The following CMKLR2 variants were observed in gnomAD, a reference collection of about 807,000 sequenced individuals.
CMKLR2 encodes the protein chemerin-like receptor 2.
A neutral mutation model predicts 23.0 loss-of-function variants in CMKLR2; 18 were observed. The observed-to-expected ratio is 0.78, with a 90% CI of 0.54 to 1.16. The LOEUF is 1.16. CMKLR2 is among the 50% of genes most tolerant of loss of function. The pLI, the probability that CMKLR2 is intolerant of heterozygous loss-of-function variation, is 0.00. For missense variants in CMKLR2, 401 were observed against 412.7 expected, an observed-to-expected ratio of 0.97 and a Z score of 0.25; for synonymous variants, 158 against 158.9, an observed-to-expected ratio of 0.99 and a Z score of 0.05.
chr2:206,202,857 C>T (rs1689151060), intron 1 of CMKLR2, among the ~76,000 whole-genome samples: 1 of 152,026 alleles, frequency 6.6e-6, no homozygotes, highest in South Asian at 2.1e-4. Flanking sequence ...AGCCTGTCAC[C>T]CCTCCATCCA....
At chr2:206,210,287 T>C (rs1251310561) in intron 1 of CMKLR2, among the ~76,000 whole-genome samples, 2 of 152,134 alleles carry the variant, frequency 1.3e-5, no homozygotes, top group Non-Finnish European at 1.5e-5. Flanking sequence ...CTGAGGATAA[T>C]GGCTTCCAGC....
intron 1 of CMKLR2, among the ~76,000 whole-genome samples, chr2:206,192,819 G>A (rs1688796598): frequency 6.6e-6 from 1 of 152,000 alleles, no homozygotes; most frequent in Non-Finnish European, 1.5e-5. Flanking sequence ...ATTGGTTTCA[G>A]GACCTCCCAC....
chr2:206,176,722 G>A lies in CMKLR2; in HGVS notation c.526C>T (p.Arg176Trp), dbSNP rs202007589. 82 of 1,614,150 alleles carry A rather than the reference G, an allele frequency of 5.1e-5. No homozygotes were observed. The highest frequency in any genetic ancestry group is 3.2e-4 in the Admixed American group (19 of 60,018). The change falls in exon 2 of 2, where the codon CGG becomes TGG. Residue 176 changes from arginine to tryptophan, a missense_variant. Arg to Trp is a moderately radical substitution (Grantham distance 101). Coordinates refer to ENST00000621141, the MANE Select transcript of CMKLR2 (RefSeq NM_001389445.1). ...SLIGGPALYF[R>W]DTVEFNNHTL... is the part of the protein sequence containing the mutation. ...TGATTATTGAACTCCACAGTGTCCC[G>A]GAAGTACAGGGCAGGACCGCCAATT...
intron 1 of CMKLR2, among the ~76,000 whole-genome samples, chr2:206,206,913 G>GC (rs1326364842): frequency 2.1e-4 from 18 of 86,466 alleles, no homozygotes; most frequent in African/African-American, 6.6e-4. Flanking sequence ...CAGTCCCCCT[G>GC]CCCCTTTTTT....
In CMKLR2 at chr2:206,176,547, T is replaced by G; in HGVS notation, c.701A>C (p.Lys234Thr). ...ICYLCLIFKV[K>T]KRSILISSRH... ...ACTGGAGATCAGGATGCTTCGCTTC[T>G]TCACCTTGAAGATGAGACACAAGTA... The change falls in exon 2 of 2, where the codon AAG (lysine) becomes ACG (threonine). Residue 234 changes from lysine to threonine, a missense_variant. Coordinates refer to ENST00000621141, the MANE Select transcript of CMKLR2 (RefSeq NM_001389445.1). 6.2e-7 allele frequency: 1 copy of G among 1,614,142 alleles called. No individual in the cohort carries two copies. The highest frequency in any genetic ancestry group is 8.5e-7 in the Non-Finnish European group (1 of 1,180,032).
chr2:206,187,326 G>A (rs370767038), intron 1 of CMKLR2, among the ~76,000 whole-genome samples: 1 of 152,164 alleles, frequency 6.6e-6, no homozygotes, highest in East Asian at 1.9e-4. Flanking sequence ...AAGTGGGTCA[G>A]GTGTCTGCTA....
intron 1 of CMKLR2, among the ~76,000 whole-genome samples, chr2:206,208,566 G>GT (rs2105840266): frequency 6.6e-6 from 1 of 151,900 alleles, no homozygotes; most frequent in African/African-American, 2.4e-5. Context: ...GCTTACTATG[G>GT]TTTTAATGTG....
chr2:206,185,747 A>T (rs2105808049), intron 1 of CMKLR2, among the ~76,000 whole-genome samples: 1 of 152,330 alleles, frequency 6.6e-6, no homozygotes, highest in Non-Finnish European at 1.5e-5. Context: ...AGGTGGTAGC[A>T]GTGAAGGTGA....
At chr2:206,213,180 T>G (rs561845075) in intron 1 of CMKLR2, 127 bp downstream of exon 1, 65 of 152,130 alleles carry the variant, frequency 4.3e-4, no homozygotes, top group African/African-American at 1.4e-3. Flanking sequence ...CGATCAGGAG[T>G]CCTTTTCCTT....
intron 1 of CMKLR2, among the ~76,000 whole-genome samples, chr2:206,182,607 T>C (rs985838478): frequency 7.2e-5 from 11 of 151,928 alleles, no homozygotes; most frequent in Non-Finnish European, 1.2e-4. Flanking sequence ...TGCCAGACTC[T>C]CTCCAACCTT....
chr2:206,203,740 G>A (rs1689202096), intron 1 of CMKLR2: 1 of 152,222 alleles, frequency 6.6e-6, no homozygotes, highest in Non-Finnish European at 1.5e-5. Flanking sequence ...TGTGAGGGGC[G>A]GTCGTGGGAA....
intron 1 of CMKLR2, among the ~76,000 whole-genome samples, chr2:206,207,174 A>T (rs1689358581): frequency 6.8e-6 from 1 of 147,004 alleles, no homozygotes. Flanking sequence ...TTTGAGACAG[A>T]GTCTCTTGCT....
Position 206,176,625 on chromosome 2 carries a change from C to T in CMKLR2, c.623G>A (p.Trp208Ter), listed in dbSNP as rs1409038492. 2.5e-6 allele frequency: 4 copies of T among 1,614,136 alleles called. No homozygotes were observed. The Admixed American group carries it at 6.7e-5, about 27-fold the overall frequency. Residue 208 changes from tryptophan to a stop codon, truncating the protein, a stop_gained, in exon 2 of 2, where the codon TGG (tryptophan) becomes TAG (stop). Transcript: ENST00000621141. LOFTEE classifies it high-confidence loss of function. ...LTLIRHHVLT[W>*]VKFIIGYLFP... ...GAGATAGCCAATGATAAATTTCACC[C>T]AAGTCAGAACATGGTGCCTGATCAA...
chr2:206,202,011 A>G (rs1360706160), intron 1 of CMKLR2, among the ~76,000 whole-genome samples: 1 of 152,246 alleles, frequency 6.6e-6, no homozygotes, highest in Admixed American at 6.5e-5. Context: ...AATGTAAGGC[A>G]GAATTTCCTA....
intron 1 of CMKLR2, among the ~76,000 whole-genome samples, chr2:206,204,353 CAA>C (rs373840930): frequency 1.4e-4 from 6 of 44,192 alleles, no homozygotes; most frequent in East Asian, 1.6e-3. Flanking sequence ...GACTCCATCT[CAA>C]AAAAAAAAAA....
At chr2:206,178,423 A>T (rs181193237) in intron 1 of CMKLR2, among the ~76,000 whole-genome samples, 1 of 152,332 alleles carries the variant, frequency 6.6e-6, no homozygotes, top group African/African-American at 2.4e-5. Context: ...GTCCATGTTT[A>T]TGAAAGCAAA....
intron 1 of CMKLR2, among the ~76,000 whole-genome samples, chr2:206,209,917 G>C (rs1386275357): frequency 6.6e-6 from 1 of 151,178 alleles, no homozygotes; most frequent in African/African-American, 2.4e-5. Flanking sequence ...CAAAGTGCTG[G>C]GATTACAGGC....
rs1031558191 is a variant in CMKLR2 at position 206,177,084 on chromosome 2, C to T, written c.164G>A (p.Gly55Glu). ...CGTGAACCAAATGACGATGGCATTT[C>T]CTGGAATTCCCAGAACAAAAGCCAA... ...YCLAFVLGIPGNAIVIWFTGF... is the reference protein window; with the variant it reads ...YCLAFVLGIPENAIVIWFTGF... The change falls in exon 2 of 2, where the codon GGA (glycine) becomes GAA (glutamate). Residue 55 changes from glycine (G) to glutamate (E), a missense_variant. Physicochemically the swap from Gly to Glu is moderately conservative, Grantham distance 98 (BLOSUM62 -2). Coordinates refer to ENST00000621141, the MANE Select transcript of CMKLR2 (RefSeq NM_001389445.1). 9 of 1,614,056 alleles carry T rather than the reference C, an allele frequency of 5.6e-6. No individual in the cohort carries two copies. In the African/African-American group the frequency reaches 1.2e-4, roughly 22 times the overall value.
upstream of CMKLR2, among the ~76,000 whole-genome samples, chr2:206,216,432 C>T (rs188521229): frequency 3.0e-4 from 45 of 152,214 alleles, no homozygotes; most frequent in East Asian, 1.5e-3. Context: ...CCAGTCTGGG[C>T]GACAGAGCAA....
Sources: gnomAD v4.1 joint callset for allele counts (sites outside exome capture counted in the v4.1 genomes callset) on GRCh38, gnomAD v4.1.1 for gene constraint, MANE v1.5 for transcripts, NCBI Gene and HGNC (gene_info 2026-07-23, HGNC 2026-07-21) for gene names.